The following AGMO variants were observed in gnomAD, a reference collection of about 807,000 sequenced individuals.
The protein encoded by AGMO is glyceryl-ether monooxygenase.
A neutral mutation model predicts 60.2 loss-of-function variants in AGMO; 75 were observed. That is an observed-to-expected ratio of 1.25 (90% CI 1.03 to 1.51). The LOEUF (loss-of-function observed/expected upper bound fraction) is 1.51. Ranked by LOEUF, AGMO falls within the 40% of genes most tolerant of loss-of-function variation. AGMO has a pLI of 0.00. For synonymous variants in AGMO, 261 were observed against 177.1 expected (o/e 1.47, Z -3.76); for missense variants, 763 against 525.5 (o/e 1.45, Z -4.42).
the AGMO span, among the ~76,000 whole-genome samples, chr7:15,178,025 T>C: frequency 2.6e-5 from 4 of 152,154 alleles, no homozygotes; most frequent in Non-Finnish European, 4.4e-5. Flanking sequence ...TCGTTTTATG[T>C]ACTCCACTCT....
At chr7:15,121,717 T>A in the AGMO span, among the ~76,000 whole-genome samples, 1 of 152,050 alleles carries the variant, frequency 6.6e-6, no homozygotes, top group African/African-American at 2.4e-5. Context: ...ATGACACTGG[T>A]ACCAAAACTG....
chr7:15,417,879 T>C (rs570772929), intron 5 of AGMO, among the ~76,000 whole-genome samples: 79 of 152,290 alleles, frequency 5.2e-4, no homozygotes, highest in Admixed American at 1.6e-3. Context: ...AAAAGAGTGC[T>C]TGTGTGTATA....
intron 10 of AGMO, among the ~76,000 whole-genome samples, chr7:15,366,858 A>G (rs1223568272): frequency 6.6e-6 from 1 of 152,000 alleles, no homozygotes; most frequent in African/African-American, 2.4e-5. Flanking sequence ...GAGCCAAGGG[A>G]AAGAATGAGT....
intron 5 of AGMO, among the ~76,000 whole-genome samples, chr7:15,418,232 T>G (rs540653007): frequency 1.3e-5 from 2 of 152,188 alleles, no homozygotes; most frequent in East Asian, 3.9e-4. Context: ...TATCTCTGAA[T>G]TGAAATGAAT....
intron 10 of AGMO, among the ~76,000 whole-genome samples, chr7:15,381,702 T>G (rs566699341): frequency 7.8e-4 from 119 of 152,242 alleles, no homozygotes; most frequent in African/African-American, 2.6e-3. Flanking sequence ...AATCATTCTT[T>G]TATAAAGTTA....
intron 3 of AGMO, among the ~76,000 whole-genome samples, chr7:15,446,059 A>G (rs79861034): frequency 0.027 from 4,062 of 152,336 alleles, 74 homozygotes; most frequent in Middle Eastern, 0.044. Context: ...TGTTATTTTC[A>G]AAACTATCGT....
intron 12 of AGMO, among the ~76,000 whole-genome samples, chr7:15,356,668 T>G (rs1782540795): frequency 6.6e-6 from 1 of 152,024 alleles, no homozygotes; most frequent in Admixed American, 6.6e-5. Context: ...ATTATATAAT[T>G]TTATTTAGAA....
chr7:15,211,919 G>A (rs1332689373), intron 12 of AGMO, among the ~76,000 whole-genome samples: 1 of 151,900 alleles, frequency 6.6e-6, no homozygotes, highest in Non-Finnish European at 1.5e-5. Flanking sequence ...AGTCAATTTT[G>A]AGCAGAACCA....
chr7:15,533,720 T>C (rs891719290), intron 3 of AGMO, among the ~76,000 whole-genome samples: 2 of 152,160 alleles, frequency 1.3e-5, no homozygotes, highest in Non-Finnish European at 2.9e-5. Flanking sequence ...GCTAATGAAA[T>C]CTAATACTGA....
intron 3 of AGMO, among the ~76,000 whole-genome samples, chr7:15,521,421 T>C (rs1783982056): frequency 6.6e-6 from 1 of 152,148 alleles, no homozygotes; most frequent in South Asian, 2.1e-4. Context: ...TCAATATCCC[T>C]GATAAACATC....
chr7:15,309,012 C>A (rs73284572), intron 12 of AGMO, among the ~76,000 whole-genome samples: 4,629 of 152,196 alleles, frequency 0.03, 272 homozygotes, highest in African/African-American at 0.11. Context: ...CTTTACTACT[C>A]ATGCAATTAT....
chr7:15,554,341 A>T (rs1232559868), intron 2 of AGMO, among the ~76,000 whole-genome samples: 1 of 152,046 alleles, frequency 6.6e-6, no homozygotes, highest in Non-Finnish European at 1.5e-5. Flanking sequence ...TCACATGAAG[A>T]TGGAATACTG....
intron 12 of AGMO, among the ~76,000 whole-genome samples, chr7:15,354,746 C>A (rs187104596): frequency 6.6e-6 from 1 of 150,756 alleles, no homozygotes; most frequent in Admixed American, 6.6e-5. Context: ...TATATTAACA[C>A]AAAAATATCA....
chr7:15,264,889 TCAAAA>T (rs1783387001), intron 12 of AGMO, among the ~76,000 whole-genome samples: 1 of 152,004 alleles, frequency 6.6e-6, no homozygotes, highest in South Asian at 2.1e-4. Flanking sequence ...CTCGAAGAAC[TCAAAA>T]CAGAACTACC....
At chr7:15,359,461 A>T (rs1473841722) in intron 12 of AGMO, among the ~76,000 whole-genome samples, 1 of 152,194 alleles carries the variant, frequency 6.6e-6, no homozygotes, top group Non-Finnish European at 1.5e-5. Context: ...TACATTTTTT[A>T]AAATGAAATA....
At chr7:15,207,842 G>C (rs943626440) in intron 12 of AGMO, among the ~76,000 whole-genome samples, 1 of 152,208 alleles carries the variant, frequency 6.6e-6, no homozygotes, top group Non-Finnish European at 1.5e-5. Context: ...GCTGAGACAG[G>C]AGATTGGCAT....
chr7:15,169,656 C>T, the AGMO span, among the ~76,000 whole-genome samples: 4 of 152,030 alleles, frequency 2.6e-5, no homozygotes, highest in Non-Finnish European at 2.9e-5. Context: ...AGGCCAGTGT[C>T]GAACTCTTGA....
At chr7:15,231,930 G>T (rs1047013483) in intron 12 of AGMO, among the ~76,000 whole-genome samples, 1 of 152,156 alleles carries the variant, frequency 6.6e-6, no homozygotes, top group Non-Finnish European at 1.5e-5. Context: ...ATCACAGATT[G>T]TTAGAAAAAT....
chr7:15,198,229 GAGAGAGAGAGAGAGAGAGAGAGAGAGAC>G (rs1311951760), downstream of AGMO, among the ~76,000 whole-genome samples: 777 of 115,584 alleles, frequency 6.7e-3, 23 homozygotes, highest in African/African-American at 0.03. Context: ...GAGAGAGAGA[GAGAGAGAGAGAGAGAGAGAGAGAGAGAC>G]AGAGACAGAG....
Sources: gnomAD v4.1 joint callset for allele counts (sites outside exome capture counted in the v4.1 genomes callset) on GRCh38, gnomAD v4.1.1 for gene constraint, MANE v1.5 for transcripts, NCBI Gene and HGNC (gene_info 2026-07-23, HGNC 2026-07-21) for gene names.